TMEM132C: variants seen among roughly 807,000 people sequenced by gnomAD.
TMEM132C encodes protein phosphatase 1, regulatory subunit 152.
A neutral mutation model predicts 61.4 loss-of-function variants in TMEM132C; 29 were observed. That is an observed-to-expected ratio of 0.47 (90% CI 0.35 to 0.64). The LOEUF (loss-of-function observed/expected upper bound fraction) is 0.64, where lower values mean the gene tolerates loss of function less well. TMEM132C is among the 30% of genes least tolerant of loss of function. The pLI is 0.00. For synonymous variants in TMEM132C, 656 were observed against 633.1 expected (o/e 1.04, Z -0.54); for missense variants, 1,408 against 1,476.9 (o/e 0.95, Z 0.76).
At chr12:128,384,989 C>T (rs1565919793) in intron 1 of TMEM132C, among the ~76,000 whole-genome samples, 2 of 152,250 alleles carry the variant, frequency 1.3e-5, no homozygotes, top group South Asian at 4.1e-4. Flanking sequence ...AGTCCAGCCT[C>T]CTGTCTTGGT....
intron 2 of TMEM132C, among the ~76,000 whole-genome samples, chr12:128,434,672 G>T (rs917230928): frequency 6.6e-6 from 1 of 150,446 alleles, no homozygotes; most frequent in Non-Finnish European, 1.5e-5. Context: ...GCATGATCTC[G>T]GCTCACTGCA....
At chr12:128,286,102 T>C (rs996005211) in intron 1 of TMEM132C, among the ~76,000 whole-genome samples, 1 of 151,760 alleles carries the variant, frequency 6.6e-6, no homozygotes, top group Admixed American at 6.6e-5. Context: ...TATCCCTCTC[T>C]CCCTTTCTCT....
intron 1 of TMEM132C, among the ~76,000 whole-genome samples, chr12:128,350,139 C>T (rs1291734263): frequency 6.6e-6 from 1 of 152,152 alleles, no homozygotes; most frequent in African/African-American, 2.4e-5. Context: ...TTTTTGGATG[C>T]AAATAACATG....
chr12:128,523,391 C>T (rs1422975766), intron 2 of TMEM132C, among the ~76,000 whole-genome samples: 2 of 152,164 alleles, frequency 1.3e-5, no homozygotes, highest in African/African-American at 2.4e-5. Context: ...CAACTGTATG[C>T]TTAAAAATGC....
intron 1 of TMEM132C, among the ~76,000 whole-genome samples, chr12:128,287,976 C>T (rs557713665): frequency 9.2e-5 from 14 of 151,764 alleles, no homozygotes; most frequent in African/African-American, 3.1e-4. Context: ...ACATTGAGTT[C>T]TGAATTGGGA....
At chr12:128,465,201 CTTT>C (rs776251493) in intron 2 of TMEM132C, among the ~76,000 whole-genome samples, 5 of 140,296 alleles carry the variant, frequency 3.6e-5, no homozygotes, top group Non-Finnish European at 3.1e-5. Flanking sequence ...TTCTTCATTT[CTTT>C]TTTTTTTTTT....
chr12:128,626,254 G>A (rs1428855222), intron 4 of TMEM132C, among the ~76,000 whole-genome samples: 1 of 150,100 alleles, frequency 6.7e-6, no homozygotes, highest in African/African-American at 2.5e-5. Flanking sequence ...AGCCTCCCAA[G>A]TAGCTGGGAT....
At chr12:128,492,540 A>C (rs1311342513) in intron 2 of TMEM132C, among the ~76,000 whole-genome samples, 1 of 152,140 alleles carries the variant, frequency 6.6e-6, no homozygotes, top group Admixed American at 6.5e-5. Context: ...AGTAATCACC[A>C]TTCTAACTGG....
At chr12:128,327,571 G>A (rs190442251) in intron 1 of TMEM132C, among the ~76,000 whole-genome samples, 210 of 152,170 alleles carry the variant, frequency 1.4e-3, no homozygotes, top group African/African-American at 4.4e-3. Context: ...TTTTAGTAGA[G>A]ACGGGGTTTC....
At chr12:128,345,222 C>T (rs543916997) in intron 1 of TMEM132C, among the ~76,000 whole-genome samples, 8 of 152,256 alleles carry the variant, frequency 5.3e-5, no homozygotes, top group South Asian at 2.1e-4. Flanking sequence ...CATGCCCCTG[C>T]GAAGTACATG....
chr12:128,343,526 C>G (rs1458614586), intron 1 of TMEM132C, among the ~76,000 whole-genome samples: 1 of 151,952 alleles, frequency 6.6e-6, no homozygotes, highest in African/African-American at 2.4e-5. Context: ...TTGGCCCTTA[C>G]TGAGTATCTT....
intron 1 of TMEM132C, among the ~76,000 whole-genome samples, chr12:128,397,193 G>A (rs2136005802): frequency 6.6e-6 from 1 of 152,312 alleles, no homozygotes; most frequent in East Asian, 1.9e-4. Context: ...CGGGTAGAAG[G>A]TGGTTTCTCC....
intron 5 of TMEM132C, among the ~76,000 whole-genome samples, chr12:128,680,241 TC>T (rs1954623816): frequency 6.6e-6 from 1 of 152,176 alleles, no homozygotes; most frequent in Non-Finnish European, 1.5e-5. Context: ...CAGGTACTAC[TC>T]TAAGTCTTAT....
chr12:128,626,807 TA>T (rs1404242745), intron 4 of TMEM132C, among the ~76,000 whole-genome samples: 1 of 152,162 alleles, frequency 6.6e-6, no homozygotes, highest in African/African-American at 2.4e-5. Context: ...TGCATGCCTT[TA>T]AAAACTTTAT....
intron 1 of TMEM132C, among the ~76,000 whole-genome samples, chr12:128,301,912 G>GAT (rs1871610540): frequency 6.6e-6 from 1 of 152,202 alleles, no homozygotes; most frequent in Non-Finnish European, 1.5e-5. Flanking sequence ...GGTGGCAGAT[G>GAT]AGAGAAATGA....
intron 4 of TMEM132C, among the ~76,000 whole-genome samples, chr12:128,656,816 A>G (rs1469858281): frequency 1.3e-5 from 2 of 152,226 alleles, no homozygotes; most frequent in Non-Finnish European, 1.5e-5. Context: ...CCAAAGCATC[A>G]TGGTTCAGTA....
Position 128,608,574 on chromosome 12 carries a change from G to T in TMEM132C, c.1122-7578G>T, listed in dbSNP as rs1393325634. On this transcript the variant is annotated intron_variant, in intron 3 of 8. Transcript: ENST00000435159. ...ATCTACCCAACCATATCTGTGCATA[G>T]AAATTAGGAAATAAAGAAAAAAAGA... Among the ~76,000 whole-genome samples, 4 of 152,130 alleles carry T rather than the reference G, an allele frequency of 2.6e-5. No homozygotes were observed. The East Asian group carries it at 7.7e-4, about 29-fold the overall frequency.
At chr12:128,568,810 A>C (rs1248610006) in intron 3 of TMEM132C, among the ~76,000 whole-genome samples, 1 of 152,232 alleles carries the variant, frequency 6.6e-6, no homozygotes, top group Non-Finnish European at 1.5e-5. Flanking sequence ...AACAAGATCC[A>C]AAGTGCCCAT....
intron 2 of TMEM132C, among the ~76,000 whole-genome samples, chr12:128,492,682 A>G (rs1181172539): frequency 3.3e-5 from 5 of 152,012 alleles, no homozygotes; most frequent in African/African-American, 9.7e-5. Context: ...TCCTTTGTCC[A>G]CTTTGTGATG....
Sources: allele counts gnomAD v4.1 joint callset (sites outside exome capture counted in the v4.1 genomes callset), GRCh38; gene constraint gnomAD v4.1.1; transcripts MANE v1.5; gene names NCBI Gene and HGNC (gene_info 2026-07-23, HGNC 2026-07-21).